Variants in ZNF385D observed in about 807,000 individuals in gnomAD.
The protein encoded by ZNF385D is zinc finger protein 659.
In ZNF385D, 15 loss-of-function variants were observed where a neutral mutation model predicts 35.8. The observed-to-expected ratio is 0.42, with a 90% CI of 0.28 to 0.64. The LOEUF (loss-of-function observed/expected upper bound fraction) is 0.64, where lower values mean the gene tolerates loss of function less well. Ranked by LOEUF, ZNF385D falls within the 30% of genes least tolerant of loss-of-function variation. The pLI is 0.23. For missense variants in ZNF385D, 474 were observed against 494.6 expected (o/e 0.96, Z 0.39); for synonymous variants, 212 against 186.8 (o/e 1.13, Z -1.10).
At position 22,123,753 on chromosome 3, in the gene ZNF385D, C is replaced by T. The variant is rs531345376; in HGVS notation, c.325+45064G>A. ...GTGGGCACCTGTAATCTCAGCTACTCGGGAGGCCGAGGCAGGGAGAATTGC... is the reference window on the plus strand; with the variant it reads ...GTGGGCACCTGTAATCTCAGCTACTTGGGAGGCCGAGGCAGGGAGAATTGC... On this transcript the variant is annotated intron_variant, in intron 3 of 5. Transcript: ENST00000494108. Among the ~76,000 whole-genome samples, 469 of 151,894 alleles carry T rather than the reference C, an allele frequency of 3.1e-3. 3 individuals carry two copies. The highest frequency in any genetic ancestry group is 9.1e-3 in the African/African-American group (378 of 41,470).
chr3:21,651,076 G>C (rs537709201), intron 2 of ZNF385D, among the ~76,000 whole-genome samples: 2 of 150,920 alleles, frequency 1.3e-5, no homozygotes, highest in African/African-American at 4.9e-5. Flanking sequence ...TCAGGAGATC[G>C]AGACCATCAT....
intron 3 of ZNF385D, among the ~76,000 whole-genome samples, chr3:21,857,457 C>A (rs576152270): frequency 1.3e-5 from 2 of 152,020 alleles, no homozygotes; most frequent in South Asian, 4.2e-4. Context: ...GCTGTTCCTA[C>A]AGGGAGTACA....
At chr3:22,007,993 A>T (rs1696324648) in intron 3 of ZNF385D, among the ~76,000 whole-genome samples, 1 of 151,966 alleles carries the variant, frequency 6.6e-6, no homozygotes, top group Non-Finnish European at 1.5e-5. Flanking sequence ...CTTTTATTCT[A>T]GAACTTGTAT....
intron 3 of ZNF385D, among the ~76,000 whole-genome samples, chr3:21,834,094 A>T (rs531734519): frequency 6.6e-6 from 1 of 152,310 alleles, no homozygotes; most frequent in South Asian, 2.1e-4. Flanking sequence ...ATAAGAAAAA[A>T]AGGGAATAGG....
intron 3 of ZNF385D, among the ~76,000 whole-genome samples, chr3:22,066,406 C>T (rs573854695): frequency 7.2e-6 from 1 of 139,510 alleles, no homozygotes; most frequent in Admixed American, 7.3e-5. Flanking sequence ...TGAGATGGTT[C>T]CCTGTGTGTG....
chr3:22,017,476 T>C (rs1233611515), intron 3 of ZNF385D, among the ~76,000 whole-genome samples: 2 of 152,070 alleles, frequency 1.3e-5, no homozygotes, highest in Non-Finnish European at 2.9e-5. Context: ...TGTTTCTTAT[T>C]CTGTCAATAA....
At chr3:22,153,112 T>A (rs1486072537) in intron 3 of ZNF385D, among the ~76,000 whole-genome samples, 1 of 152,166 alleles carries the variant, frequency 6.6e-6, no homozygotes. Flanking sequence ...TCTACATGGT[T>A]ATTGGGCTCC....
chr3:21,924,549 T>A, intron 3 of ZNF385D, among the ~76,000 whole-genome samples: 1 of 152,176 alleles, frequency 6.6e-6, no homozygotes, highest in East Asian at 1.9e-4. Flanking sequence ...CACAAAAGGC[T>A]GTATATGGAT....
At chr3:21,745,287 C>G (rs1020601055) in intron 1 of ZNF385D, among the ~76,000 whole-genome samples, 1 of 152,068 alleles carries the variant, frequency 6.6e-6, no homozygotes, top group African/African-American at 2.4e-5. Context: ...AAAGAAAAAA[C>G]TGAAAGATTG....
At chr3:21,721,969 G>A (rs531823918) in intron 1 of ZNF385D, among the ~76,000 whole-genome samples, 9 of 152,126 alleles carry the variant, frequency 5.9e-5, no homozygotes, top group South Asian at 2.1e-4. Flanking sequence ...GCGTGGTGGC[G>A]TGTGCCTATA....
At chr3:22,101,480 G>C (rs1225061437) in intron 3 of ZNF385D, among the ~76,000 whole-genome samples, 2 of 152,032 alleles carry the variant, frequency 1.3e-5, no homozygotes, top group Admixed American at 1.3e-4. Context: ...CATATTGCTA[G>C]TAATCAGCAG....
chr3:22,179,849 T>G (rs1219403440), intron 2 of ZNF385D, among the ~76,000 whole-genome samples: 2 of 152,002 alleles, frequency 1.3e-5, no homozygotes, highest in Non-Finnish European at 2.9e-5. Flanking sequence ...GATCCAAAAT[T>G]GACACCCTAA....
Position 21,596,641 on chromosome 3 carries a change from T to C in ZNF385D, c.166-31957A>G, listed in dbSNP as rs1445663958. Reference sequence around the variant, plus strand: ...GACTACAGGCAACATCATGCTTGACTTTTTTTTTTTTTTTTTGGTACAGTT... The same window carrying C: ...GACTACAGGCAACATCATGCTTGACCTTTTTTTTTTTTTTTTGGTACAGTT... On this transcript the variant is annotated intron_variant, in intron 2 of 7. Transcript: ENST00000281523. Among the ~76,000 whole-genome samples, 51 of 62,360 alleles carry C rather than the reference T, an allele frequency of 8.2e-4. 1 individual carries two copies. In the East Asian group the frequency reaches 0.014, roughly 18 times the overall value. 40.9% of individuals were successfully genotyped at this position (62,360 alleles called of 152,430 possible).
intron 2 of ZNF385D, among the ~76,000 whole-genome samples, chr3:22,177,484 G>A (rs975746407): frequency 2.6e-5 from 4 of 152,138 alleles, no homozygotes; most frequent in South Asian, 4.1e-4. Flanking sequence ...GCTAGCACTC[G>A]TTTAGCCACT....
intron 3 of ZNF385D, among the ~76,000 whole-genome samples, chr3:21,930,089 G>A (rs527602576): frequency 3.0e-4 from 46 of 152,042 alleles, no homozygotes; most frequent in Middle Eastern, 3.4e-3. Context: ...TAATATAAGG[G>A]CATATGTGCA....
intron 3 of ZNF385D, among the ~76,000 whole-genome samples, chr3:22,021,352 A>G (rs1460768097): frequency 1.3e-5 from 2 of 152,022 alleles, no homozygotes; most frequent in African/African-American, 4.8e-5. Context: ...CAGCAAAAAG[A>G]AATGTTAGAA....
chr3:21,813,927 T>G (rs1355386758), intron 3 of ZNF385D, among the ~76,000 whole-genome samples: 1 of 151,910 alleles, frequency 6.6e-6, no homozygotes, highest in Non-Finnish European at 1.5e-5. Flanking sequence ...GAAATGAAGG[T>G]AAAAATGTTA....
chr3:22,037,488 C>T (rs1187977780), intron 3 of ZNF385D, among the ~76,000 whole-genome samples: 5 of 151,964 alleles, frequency 3.3e-5, no homozygotes, highest in Non-Finnish European at 7.4e-5. Context: ...TTTCACGTGT[C>T]TGTTGGCTGC....
intron 3 of ZNF385D, among the ~76,000 whole-genome samples, chr3:21,810,382 G>C (rs938735713): frequency 2.0e-5 from 3 of 151,816 alleles, no homozygotes; most frequent in Non-Finnish European, 4.4e-5. Flanking sequence ...TCGGGGGTGG[G>C]GGCTGGGGGA....
Sources: allele counts gnomAD v4.1 joint callset (sites outside exome capture counted in the v4.1 genomes callset), GRCh38; gene constraint gnomAD v4.1.1; transcripts MANE v1.5; gene names NCBI Gene and HGNC (gene_info 2026-07-23, HGNC 2026-07-21).